The following TSC22D1 variants were observed in gnomAD, a reference collection of about 807,000 sequenced individuals.
TSC22D1 encodes the protein TSC22 domain family protein 1.
TSC22D1 carries 9 observed loss-of-function variants against 74.2 expected under a neutral mutation model. That is an observed-to-expected ratio of 0.12 (90% confidence interval 0.07 to 0.21). The LOEUF is 0.21. Ranked by LOEUF, TSC22D1 falls within the 10% of genes least tolerant of loss-of-function variation. The probability of loss-of-function intolerance (pLI) is 1.00; values close to 1 mark genes in which losing one functional copy is unlikely to be tolerated. For missense variants in TSC22D1, 1,427 were observed against 1,304.7 expected (o/e 1.09, Z -1.44); for synonymous variants, 586 against 492.5 (o/e 1.19, Z -2.51).
At chr13:44,436,435 A>G (rs1252964245) in intron 1 of TSC22D1, 2 of 1,546,982 alleles carry the variant, frequency 1.3e-6, no homozygotes, top group Non-Finnish European at 1.8e-6. Flanking sequence ...TCGCCTGGCT[A>G]TCTTTCACCT....
intron 1 of TSC22D1, among the ~76,000 whole-genome samples, chr13:44,536,396 C>G (rs1050242568): frequency 2.6e-5 from 4 of 151,752 alleles, no homozygotes; most frequent in African/African-American, 9.7e-5. Context: ...GTTCCTGTGG[C>G]TTCAATTAAG....
At chr13:44,577,192 T>C (rs1884306337), upstream of TSC22D1, 1 of 150,438 alleles carries the variant, frequency 6.6e-6, no homozygotes, top group Admixed American at 6.6e-5. Context: ...GGTTGGTCGG[T>C]GTCGGCAAAC....
chr13:44,513,899 T>C (rs533199968), intron 1 of TSC22D1, among the ~76,000 whole-genome samples: 24 of 152,338 alleles, frequency 1.6e-4, no homozygotes, highest in African/African-American at 5.8e-4. Flanking sequence ...ACAGTTTTAA[T>C]AGATAAACCT....
chr13:44,447,688 C>T (rs895941055), intron 1 of TSC22D1, among the ~76,000 whole-genome samples: 1 of 151,618 alleles, frequency 6.6e-6, no homozygotes, highest in South Asian at 2.1e-4. Flanking sequence ...CTGTATTTTT[C>T]TCTCTCTAAA....
chr13:44,575,733 A>G lies in TSC22D1; in HGVS notation c.342T>C (p.Thr114=). ...CGGAGATCTGAGCAGGAGTAACGCTAGTTATCTGGAAGCCACTTTTCTTTT... is the reference window on the plus strand; with the variant it reads ...CGGAGATCTGAGCAGGAGTAACGCTGGTTATCTGGAAGCCACTTTTCTTTT... ...QMKKKSGFQI[T]SVTPAQISAS... Residue 114 remains threonine (T), a synonymous_variant, in exon 1 of 3, where the codon ACT becomes ACC. Transcript: ENST00000458659. 2 of 1,614,172 alleles carry G rather than the reference A, an allele frequency of 1.2e-6. No individual in the cohort carries two copies. Among genetic ancestry groups the G allele is most frequent in the South Asian group, 1.1e-5 (1 of 91,090 alleles).
intron 1 of TSC22D1, among the ~76,000 whole-genome samples, chr13:44,569,868 C>CA (rs1188308176): frequency 2.6e-5 from 4 of 151,660 alleles, no homozygotes; most frequent in African/African-American, 9.7e-5. Context: ...CTAATTAATT[C>CA]AAAAAAATAA....
chr13:44,509,351 G>A (rs1385910060), intron 1 of TSC22D1, among the ~76,000 whole-genome samples: 2 of 152,144 alleles, frequency 1.3e-5, no homozygotes, highest in Non-Finnish European at 2.9e-5. Flanking sequence ...TTTAAGAAGT[G>A]TATAAGGCAG....
intron 1 of TSC22D1, among the ~76,000 whole-genome samples, chr13:44,552,561 A>C (rs1882355347): frequency 6.6e-6 from 1 of 152,248 alleles, no homozygotes; most frequent in Admixed American, 6.5e-5. Flanking sequence ...CAATTAAAAG[A>C]GCCTGCAAAT....
intron 1 of TSC22D1, among the ~76,000 whole-genome samples, chr13:44,440,462 A>T (rs541608003): frequency 3.9e-5 from 6 of 152,062 alleles, no homozygotes; most frequent in Non-Finnish European, 8.8e-5. Context: ...GTGGTGGCAC[A>T]TGTCTATAAT....
intron 1 of TSC22D1, among the ~76,000 whole-genome samples, chr13:44,458,462 G>A (rs1028875192): frequency 2.0e-5 from 3 of 152,168 alleles, no homozygotes; most frequent in Non-Finnish European, 4.4e-5. Flanking sequence ...CTGCAAAGAC[G>A]CTGGCTGCAG....
intron 1 of TSC22D1, among the ~76,000 whole-genome samples, chr13:44,560,670 G>A (rs1304248317): frequency 1.3e-5 from 2 of 152,094 alleles, no homozygotes; most frequent in Non-Finnish European, 2.9e-5. Flanking sequence ...GGAGTAAAAG[G>A]ATTTGTCTAT....
intron 1 of TSC22D1, among the ~76,000 whole-genome samples, chr13:44,447,984 AAAT>A (rs747066859): frequency 2.6e-5 from 4 of 152,064 alleles, no homozygotes; most frequent in South Asian, 2.1e-4. Flanking sequence ...ATCTTCATGA[AAAT>A]AATAAGCATT....
intron 1 of TSC22D1, among the ~76,000 whole-genome samples, chr13:44,470,812 G>C (rs562382542): frequency 2.6e-5 from 4 of 152,278 alleles, no homozygotes; most frequent in African/African-American, 9.6e-5. Context: ...TGCAGATAAA[G>C]CAAAAAGCAA....
chr13:44,528,359 A>G (rs1284491665), intron 1 of TSC22D1, among the ~76,000 whole-genome samples: 1 of 152,112 alleles, frequency 6.6e-6, no homozygotes, highest in Non-Finnish European at 1.5e-5. Context: ...ATGGAATTAA[A>G]CTAAAAATCA....
intron 2 of TSC22D1, 123 bp downstream of exon 2, chr13:44,435,921 C>T: frequency 1.9e-6 from 2 of 1,063,194 alleles, no homozygotes; most frequent in South Asian, 2.7e-5. Context: ...ACAGCGCCGG[C>T]ATTTCTACGC....
intron 1 of TSC22D1, among the ~76,000 whole-genome samples, chr13:44,456,835 T>G (rs960166183): frequency 6.6e-6 from 1 of 152,042 alleles, no homozygotes; most frequent in Admixed American, 6.5e-5. Flanking sequence ...TAGAACAAAA[T>G]ACCAAAAAGG....
chr13:44,551,658 C>T (rs932859036), intron 1 of TSC22D1, among the ~76,000 whole-genome samples: 1 of 152,118 alleles, frequency 6.6e-6, no homozygotes, highest in African/African-American at 2.4e-5. Flanking sequence ...TAGGCTCAAG[C>T]GATCCACCTG....
intron 1 of TSC22D1, among the ~76,000 whole-genome samples, chr13:44,505,977 A>C (rs1268705608): frequency 6.6e-6 from 1 of 152,194 alleles, no homozygotes; most frequent in Non-Finnish European, 1.5e-5. Flanking sequence ...TGAAATAGGT[A>C]GGAAAATGAG....
At chr13:44,511,437 T>C (rs762126776) in intron 1 of TSC22D1, among the ~76,000 whole-genome samples, 16 of 152,292 alleles carry the variant, frequency 1.1e-4, no homozygotes, top group Middle Eastern at 3.4e-3. Context: ...GCTATGAACG[T>C]CATAAAACAT....
Sources: gnomAD v4.1 joint callset for allele counts (sites outside exome capture counted in the v4.1 genomes callset) on GRCh38, gnomAD v4.1.1 for gene constraint, MANE v1.5 for transcripts, NCBI Gene and HGNC (gene_info 2026-07-23, HGNC 2026-07-21) for gene names.